Variants in GAK observed in about 807,000 individuals in gnomAD.
GAK encodes cyclin-G-associated kinase.
Under a neutral mutation model 143.9 loss-of-function variants are expected in GAK, and 79 were observed. That is an observed-to-expected ratio of 0.55 (90% CI 0.46 to 0.66). GAK has a LOEUF of 0.66. Among genes scored for constraint, GAK ranks in the 30% least tolerant of loss-of-function variants. The pLI is 0.00. For missense variants in GAK, 1,693 were observed against 1,779.7 expected (o/e 0.95, Z 0.88); for synonymous variants, 881 against 765.5 (o/e 1.15, Z -2.49).
intron 11 of GAK, chr4:887,337 TCA>T (rs1050632858): frequency 4.1e-5 from 6 of 144,896 alleles, no homozygotes; most frequent in East Asian, 2.1e-4. Context: ...TCATGCTCAC[TCA>T]CAGGCACTCC....
chr4:881,130 G>A (rs1715015002), intron 15 of GAK, among the ~76,000 whole-genome samples: 1 of 152,228 alleles, frequency 6.6e-6, no homozygotes, highest in Non-Finnish European at 1.5e-5. Flanking sequence ...TCCACAGGCT[G>A]TGCGCCCCAT....
intron 24 of GAK, among the ~76,000 whole-genome samples, chr4:856,367 GCTGCTCACCACAGCTGCTCACAC>G (rs1235102735): frequency 1.5e-5 from 1 of 68,388 alleles, no homozygotes; most frequent in Non-Finnish European, 2.8e-5. Context: ...GCTCACCACA[GCTGCTCACCACAGCTGCTCACAC>G]CTGCTCACCA....
intron 18 of GAK, among the ~76,000 whole-genome samples, chr4:873,986 G>C (rs1199975758): frequency 2.0e-5 from 3 of 152,086 alleles, no homozygotes; most frequent in Non-Finnish European, 2.9e-5. Context: ...CGTTGTTCTG[G>C]CGAATTCATC....
In GAK at chr4:870,890, G is replaced by A. The variant is rs772373042; in HGVS notation, c.2069C>T (p.Ala690Val). The change falls in exon 19 of 28, where the codon GCG becomes GTG. Residue 690 changes from alanine to valine, a missense_variant. Coordinates refer to ENST00000314167, the MANE Select transcript of GAK (RefSeq NM_005255.4). ...CGGGTATTTTTCTTGAATGTCACAC[G>A]CGTCCAGGTCATACCTGCGGTTACA... ...TVKFAKYDLD[A>V]CDIQEKYPDL... 18 of 1,613,316 alleles carry A rather than the reference G, an allele frequency of 1.1e-5. No homozygotes were observed. The highest frequency in any genetic ancestry group is 2.2e-5 in the East Asian group (1 of 44,878).
rs149842313 is a variant in GAK at position 867,198 on chromosome 4, T to C, written c.2630A>G (p.Gln877Arg). The C allele has an allele frequency of 3.0e-4, 486 of 1,611,174 alleles. 3 individuals are homozygous for C. The East Asian group carries it at 8.4e-3, about 28-fold the overall frequency. Residue 877 changes from glutamine to arginine, a missense_variant, in exon 21 of 28, where the codon CAG becomes CGG. Gln to Arg is a conservative substitution (Grantham distance 43, BLOSUM62 1). Transcript: ENST00000314167. ...TPAVLPEPVP[Q>R]EDGVDLLGLH... ...GCCCAGGAGGTCGACCCCGTCTTCC[T>C]GTGGCACAGGCTCTGGCAGCACAGC...
chr4:859,790 C>T (rs890234199), intron 23 of GAK, 68 bp from the exon 24 acceptor site: 31 of 1,121,928 alleles, frequency 2.8e-5, no homozygotes, highest in South Asian at 1.2e-4. Flanking sequence ...CTGGGACCTC[C>T]GATGGCGCCT....
At chr4:866,100 G>T (rs1577075599) in intron 22 of GAK, among the ~76,000 whole-genome samples, 1 of 152,236 alleles carries the variant, frequency 6.6e-6, no homozygotes, top group East Asian at 1.9e-4. Context: ...AGAAACACCT[G>T]TTGCCAGTCA....
At chr4:870,141 C>T (rs1347992020) in intron 19 of GAK, among the ~76,000 whole-genome samples, 1 of 152,190 alleles carries the variant, frequency 6.6e-6, no homozygotes, top group Non-Finnish European at 1.5e-5. Flanking sequence ...ACACAGCACG[C>T]ACAGGTCACA....
At chr4:891,525 C>T (rs1276852905) in intron 9 of GAK, among the ~76,000 whole-genome samples, 1 of 152,102 alleles carries the variant, frequency 6.6e-6, no homozygotes, top group Non-Finnish European at 1.5e-5. Flanking sequence ...CTGGGGGAGT[C>T]GGTTGGCTTA....
Position 881,940 on chromosome 4 carries a change from C to T in GAK, c.1628G>A (p.Arg543His), listed in dbSNP as rs747578940. 3.1e-6 allele frequency: 5 copies of T among 1,594,172 alleles called. No individual in the cohort carries two copies. The East Asian group carries it at 6.8e-5, about 22-fold the overall frequency. ...GGATGGCCAGATGCCTGGTGGGCAGCGCTTCATGCTGAACATGTACACGGC... is the reference window on the plus strand; with the variant it reads ...GGATGGCCAGATGCCTGGTGGGCAGTGCTTCATGCTGAACATGTACACGGC... ...EAAVYMFSMK[R>H]CPPGIWPSHK... The change falls in exon 15 of 28, where the codon CGC (arginine) becomes CAC (histidine). Residue 543 changes from arginine (R) to histidine (H), a missense_variant. Physicochemically the swap from Arg to His is conservative, Grantham distance 29 (BLOSUM62 0). This residue lies in a region of GAK where 871 missense variants were observed against 991.0 expected (regional missense o/e 0.88). Coordinates refer to ENST00000314167, the MANE Select transcript of GAK (RefSeq NM_005255.4).
chr4:904,018 C>T (rs1042773061), intron 5 of GAK, among the ~76,000 whole-genome samples: 5 of 152,398 alleles, frequency 3.3e-5, no homozygotes, highest in African/African-American at 4.8e-5. Context: ...GAGAGGCTCA[C>T]GCACATCTTC....
intron 1 of GAK, among the ~76,000 whole-genome samples, chr4:928,347 C>T (rs1725170699): frequency 1.3e-5 from 2 of 152,024 alleles, no homozygotes; most frequent in East Asian, 1.9e-4. Flanking sequence ...CGTGAGCCGT[C>T]GTGCCCGGCC....
intron 5 of GAK, among the ~76,000 whole-genome samples, chr4:903,217 T>C (rs914624310): frequency 6.6e-6 from 1 of 152,124 alleles, no homozygotes; most frequent in Non-Finnish European, 1.5e-5. Flanking sequence ...GGCAGTGTGG[T>C]GGGCAGGACG....
intron 5 of GAK, among the ~76,000 whole-genome samples, chr4:902,945 G>A (rs1720215848): frequency 1.3e-5 from 2 of 152,250 alleles, no homozygotes; most frequent in South Asian, 4.1e-4. Context: ...ATTAACATCA[G>A]GAAAAGGCAA....
At chr4:863,728 G>A (rs575990319) in intron 23 of GAK, among the ~76,000 whole-genome samples, 17 of 152,196 alleles carry the variant, frequency 1.1e-4, no homozygotes, top group African/African-American at 3.1e-4. Context: ...GCTATTGCAC[G>A]CTTAACAGAC....
At chr4:881,370 C>G (rs375575868) in intron 15 of GAK, among the ~76,000 whole-genome samples, 1 of 152,298 alleles carries the variant, frequency 6.6e-6, no homozygotes, top group African/African-American at 2.4e-5. Flanking sequence ...ACTCCTCGGG[C>G]GTGGACACCT....
In GAK at chr4:851,013, C is replaced by A; in HGVS notation, c.3580G>T (p.Asp1194Tyr). The A allele has an allele frequency of 6.2e-7, 1 of 1,614,092 alleles. No individual in the cohort carries two copies. The highest frequency in any genetic ancestry group is 8.5e-7 in the Non-Finnish European group (1 of 1,179,986). ...LSNQGFSSRS[D>Y]KKGPKTIAEM... ...GCAATGGTCTTTGGCCCTTTCTTGTCAGACCTGGAGGAGAAGCCTTGATTG... is the reference window on the plus strand; with the variant it reads ...GCAATGGTCTTTGGCCCTTTCTTGTAAGACCTGGAGGAGAAGCCTTGATTG... Residue 1194 changes from aspartate to tyrosine, a missense_variant, in exon 26 of 28, where the codon GAC (aspartate) becomes TAC (tyrosine). Asp to Tyr is a radical substitution (Grantham distance 160). Transcript: ENST00000314167.
Position 849,687 on chromosome 4 carries a change from G to A in GAK, c.3922C>T (p.Arg1308Trp), listed in dbSNP as rs369032235. 115 of 1,612,234 alleles carry A rather than the reference G, an allele frequency of 7.1e-5. No homozygotes were observed. The highest frequency in any genetic ancestry group is 2.0e-4 in the South Asian group (18 of 90,842). ...CCACTGCGGCCTCAGAAGAGGGGCC[G>A]GGAGCCCTGGTTCTCAAACTCCGAC... is the stretch of plus-strand genomic sequence containing the variant. ...AWSEFENQGS[R>W]PLF The change falls in exon 28 of 28, where the codon CGG becomes TGG. Residue 1308 changes from arginine to tryptophan, a missense_variant. Physicochemically the swap from Arg to Trp is moderately radical, Grantham distance 101. Around this residue, in one of 2 missense-constraint regions of GAK, gnomAD observed 822 missense variants for 788.7 expected, o/e 1.04. Transcript: ENST00000314167.
intron 15 of GAK, among the ~76,000 whole-genome samples, chr4:880,402 G>A (rs750224056): frequency 2.0e-4 from 30 of 152,252 alleles, no homozygotes; most frequent in Non-Finnish European, 3.5e-4. Context: ...GTCACAGAGT[G>A]CAGCTCTTTC....
Sources: allele counts gnomAD v4.1 joint callset (sites outside exome capture counted in the v4.1 genomes callset), GRCh38; gene constraint gnomAD v4.1.1; regional missense constraint gnomAD v4.1.1; transcripts MANE v1.5; gene names NCBI Gene and HGNC (gene_info 2026-07-23, HGNC 2026-07-21).